The following TSPYL2 variants were observed in gnomAD, a reference collection of about 807,000 sequenced individuals.
The protein encoded by TSPYL2 is TSPY like 2.
TSPYL2 carries 9 observed loss-of-function variants against 33.0 expected under a neutral mutation model. The ratio of observed to expected loss-of-function variants is 0.27; its 90% confidence interval spans 0.16 to 0.48. The LOEUF (loss-of-function observed/expected upper bound fraction) is 0.48. Ranked by LOEUF, TSPYL2 falls within the 20% of genes least tolerant of loss-of-function variation. TSPYL2 has a pLI of 0.99. For missense variants in TSPYL2, 636 were observed against 586.2 expected, an observed-to-expected ratio of 1.08 and a Z score of -0.88; for synonymous variants, 330 against 233.6, an observed-to-expected ratio of 1.41 and a Z score of -3.77.
intron 6 of TSPYL2, chrX:53,086,587 G>C (rs2146700508): frequency 2.6e-6 from 1 of 388,417 alleles, no homozygotes; most frequent in African/African-American, 2.6e-5. Flanking sequence ...GTGGAAAACT[G>C]AAAAGGACAC....
chrX:53,084,724 C>G (rs782448500), intron 2 of TSPYL2, 31 bp from the exon 3 acceptor site: 2 of 1,174,216 alleles, frequency 1.7e-6, no homozygotes, highest in African/African-American at 3.6e-5. Flanking sequence ...GGGGGGGGGA[C>G]AGATTCCACC....
Position 53,085,299 on chromosome X carries a change from A to G in TSPYL2, c.1216A>G (p.Lys406Glu). 8.3e-7 allele frequency: 1 copy of G among 1,208,175 alleles called. No individual in the cohort carries two copies. Among genetic ancestry groups the G allele is most frequent in the Non-Finnish European group, 1.1e-6 (1 of 893,887 alleles). ...LRERGSRIKR[K>E]KQEMKKRKTR... ...AGAAAGGGGCTCCAGGATAAAGAGA[A>G]AGAAGCAAGAAATGAAGAAACGGTA... Residue 406 changes from lysine to glutamate, a missense_variant, in exon 5 of 7, where the codon AAG (lysine) becomes GAG (glutamate). This residue lies in a region of TSPYL2 where 401 missense variants were observed against 363.0 expected (regional missense o/e 1.10). Transcript: ENST00000375442.
chrX:53,084,579 A>G lies in TSPYL2; in HGVS notation c.842A>G (p.Asn281Ser). ...LNHPRISILI[N>S]RRDEDIFRYL... is the part of the protein sequence containing the mutation. ...CACCCCAGAATTTCAATTTTGATCAACCGACGTGATGAAGACATTTTCCGC... is the reference window on the plus strand; with the variant it reads ...CACCCCAGAATTTCAATTTTGATCAGCCGACGTGATGAAGACATTTTCCGC... The change falls in exon 2 of 7, where the codon AAC becomes AGC. Residue 281 changes from asparagine (N) to serine (S), a missense_variant. Asn to Ser is a conservative substitution (Grantham distance 46). Transcript: ENST00000375442. 2.5e-6 allele frequency: 3 copies of G among 1,183,178 alleles called. No individual in the cohort carries two copies. Among genetic ancestry groups the G allele is most frequent in the East Asian group, 3.0e-5 (1 of 33,549 alleles).
chrX:53,086,123 C>T lies in TSPYL2; in HGVS notation c.1731C>T (p.Asn577=), dbSNP rs1569229091. The T allele has an allele frequency of 6.8e-6, 8 of 1,184,570 alleles. No individual in the cohort carries two copies. Among genetic ancestry groups the T allele is most frequent in the South Asian group, 3.7e-5 (2 of 53,823 alleles). ...GTGATGATGAAGATAATGATGGCAA[C>T]GAAGGTGACAATGAGGGCAGTGATG... ...EASDDEDNDG[N]EGDNEGSDDD... The change falls in exon 6 of 7, where the codon AAC becomes AAT. Residue 577 remains asparagine (N), a synonymous_variant. Coordinates refer to ENST00000375442, the MANE Select transcript of TSPYL2 (RefSeq NM_022117.4).
chrX:53,087,922 A>AG lies in TSPYL2; in HGVS notation c.2070dup (p.Lys691GlufsTer48). On this transcript the variant is annotated frameshift_variant, in exon 7 of 7. Coordinates refer to ENST00000375442, the MANE Select transcript of TSPYL2 (RefSeq NM_022117.4). LOFTEE classifies it high-confidence loss of function. ...AAACGGTTGGGCCAATCCGGGGAAG[A>AG]GGGGGAAAACCGGATAAGGGTTTTC... 8.3e-7 allele frequency: 1 copy of AG among 1,211,513 alleles called. No individual in the cohort carries two copies. The highest frequency in any genetic ancestry group is 1.1e-6 in the Non-Finnish European group (1 of 895,361).
chrX:53,086,516 G>A (rs1327354355), intron 6 of TSPYL2: 1 of 445,181 alleles, frequency 2.2e-6, no homozygotes, highest in African/African-American at 2.5e-5. Flanking sequence ...TTAGTTCTAG[G>A]TGATGGATAG....
At chrX:53,084,479 C>G (rs1439419498) in intron 1 of TSPYL2, 66 bp from the exon 2 acceptor site, 1 of 978,902 alleles carries the variant, frequency 1.0e-6, no homozygotes, top group Non-Finnish European at 1.4e-6. Flanking sequence ...CTGTGCCCTT[C>G]CTGGCCTTCC....
intron 5 of TSPYL2, 144 bp from the exon 6 acceptor site, chrX:53,085,487 G>T: frequency 2.7e-6 from 2 of 738,776 alleles, no homozygotes; most frequent in South Asian, 2.7e-5. Context: ...ACACAGTCAG[G>T]GGCAGAAGTG....
rs782082499 is a variant in TSPYL2 at position 53,085,280 on chromosome X, G to C, written c.1197G>C (p.Arg399Ser). ...VNPLRYYLRE[R>S]GSRIKRKKQE... is the part of the protein sequence containing the mutation. ...CTCTACGCTACTACCTGAGAGAAAG[G>C]GGCTCCAGGATAAAGAGAAAGAAGC... The change falls in exon 5 of 7, where the codon AGG becomes AGC. Residue 399 changes from arginine (R) to serine (S), a missense_variant. Physicochemically the swap from Arg to Ser is moderately radical, Grantham distance 110. This residue lies in a region of TSPYL2 where 401 missense variants were observed against 363.0 expected (regional missense o/e 1.10). Coordinates refer to ENST00000375442, the MANE Select transcript of TSPYL2 (RefSeq NM_022117.4). The C allele has an allele frequency of 4.1e-6, 5 of 1,209,121 alleles. No homozygotes were observed. The South Asian group carries it at 8.9e-5, about 21-fold the overall frequency.
At position 53,088,507 on chromosome X, in the gene TSPYL2, C is replaced by T. The variant is rs1237447878; in HGVS notation, c.*568C>T. On this transcript the variant is annotated 3_prime_UTR_variant, in exon 7 of 7. Coordinates refer to ENST00000375442, the MANE Select transcript of TSPYL2 (RefSeq NM_022117.4). ...AGAAGGCTCGCCTCTCCCCGTGGAC[C>T]CTGTTAATCCCAATAAAATTCTGAG... The T allele has an allele frequency of 8.7e-6, 1 of 114,394 alleles. No homozygotes were observed. The highest frequency in any genetic ancestry group is 9.1e-5 in the Admixed American group (1 of 11,032). 9.4% of individuals were successfully genotyped at this position (114,394 alleles called of 1,213,427 possible). A position where few individuals can be genotyped will look rare whatever the true frequency, so the allele number is the denominator to read the frequency against.
At chrX:53,084,654 C>T (rs782720334) in intron 2 of TSPYL2, 32 bp downstream of exon 2, 11 of 1,189,258 alleles carry the variant, frequency 9.2e-6, no homozygotes, top group Non-Finnish European at 1.0e-5. Context: ...TTAGTAGGAT[C>T]GGGCACGAAT....
At chrX:53,084,101 A>G (rs1400120511) in intron 1 of TSPYL2, among the ~76,000 whole-genome samples, 2 of 111,886 alleles carry the variant, frequency 1.8e-5, no homozygotes, top group Non-Finnish European at 3.8e-5. Flanking sequence ...ACACAGTATT[A>G]TGTGACCACA....
Position 53,082,849 on chromosome X carries a change from A to C in TSPYL2, c.351A>C (p.Ala117=). The change falls in exon 1 of 7, where the codon GCA becomes GCC. Residue 117 remains alanine, a synonymous_variant. Coordinates refer to ENST00000375442, the MANE Select transcript of TSPYL2 (RefSeq NM_022117.4). ...CCCCGCCCACGGAGAGCCTGGAAGCACTCCCCACTCCTGAGGCCTCGGGGG... is the reference window on the plus strand; with the variant it reads ...CCCCGCCCACGGAGAGCCTGGAAGCCCTCCCCACTCCTGAGGCCTCGGGGG... ...EAPPPTESLE[A]LPTPEASGGS... is the part of the protein sequence containing the mutation. The C allele has an allele frequency of 8.3e-7, 1 of 1,204,886 alleles. No homozygotes were observed. The highest frequency in any genetic ancestry group is 1.8e-5 in the South Asian group (1 of 56,285).
At position 53,082,559 on chromosome X, in the gene TSPYL2, C is replaced by G. The variant is rs1556807147; in HGVS notation, c.61C>G (p.Pro21Ala). The G allele has an allele frequency of 4.1e-5, 47 of 1,153,525 alleles. No individual in the cohort carries two copies. Among genetic ancestry groups the G allele is most frequent in the Non-Finnish European group, 5.4e-5 (47 of 871,172 alleles). Residue 21 changes from proline (P) to alanine (A), a missense_variant, in exon 1 of 7, where the codon CCA becomes GCA. Physicochemically the swap from Pro to Ala is conservative, Grantham distance 27. Around this residue, in one of 3 missense-constraint regions of TSPYL2, gnomAD observed 231 missense variants for 201.6 expected, o/e 1.15. Transcript: ENST00000375442. ...KTRRLSSSES[P>A]QRDPPPPPPP... ...CCGCCGCCTGAGCAGCTCCGAGTCT[C>G]CACAGCGCGACCCGCCCCCGCCGCC...
At chrX:53,085,605 A>G (rs1556808289) in intron 5 of TSPYL2, 26 bp from the exon 6 acceptor site, 1 of 1,205,147 alleles carries the variant, frequency 8.3e-7, no homozygotes. Flanking sequence ...CACCAACCCT[A>G]TACTCAGCCA....
chrX:53,084,930 C>T (rs782401797), intron 3 of TSPYL2, 24 bp from the exon 4 acceptor site: 14 of 1,206,144 alleles, frequency 1.2e-5, no homozygotes, highest in East Asian at 8.9e-5. Flanking sequence ...TTTGTCCCAT[C>T]TCCATAGCCT....
intron 1 of TSPYL2, 25 bp downstream of exon 1, chrX:53,083,330 A>G (rs1191561499): frequency 1.8e-6 from 2 of 1,133,856 alleles, no homozygotes; most frequent in African/African-American, 3.7e-5. Flanking sequence ...GATACTCCGT[A>G]GGTCAGAAGC....
In TSPYL2 at chrX:53,088,056, C is replaced by G; in HGVS notation, c.*117C>G. The G allele has an allele frequency of 1.5e-6, 1 of 654,869 alleles. No homozygotes were observed. The highest frequency in any genetic ancestry group is 2.3e-6 in the Non-Finnish European group (1 of 429,186). The allele number at this position is 654,869 out of a possible 1,213,427, so 54.0% of individuals were successfully genotyped here. A position where few individuals can be genotyped will look rare whatever the true frequency, so the allele number is the denominator to read the frequency against. ...TGCACTTCTGGGGGGTGACCGACTT[C>G]GTACACGGGTTTAAAGTTTATTTTT... On this transcript the variant is annotated 3_prime_UTR_variant, in exon 7 of 7. Transcript: ENST00000375442.
rs782804078 is a variant in TSPYL2, at chrX:53,085,073, C to T, written c.1117C>T (p.Leu373Phe). Residue 373 changes from leucine to phenylalanine, a missense_variant, in exon 4 of 7, where the codon CTC becomes TTC. Physicochemically the swap from Leu to Phe is conservative, Grantham distance 22. Around this residue, in one of 3 missense-constraint regions of TSPYL2, gnomAD observed 401 missense variants for 363.0 expected, o/e 1.10. Transcript: ENST00000375442. ...SFFSWFSNHS[L>F]PEADRIAEII... ...TTTCAGCTGGTTCTCAAACCATAGC[C>T]TCCCAGAGGCTGACAGGATTGCTGA... 3 of 1,208,080 alleles carry T rather than the reference C, an allele frequency of 2.5e-6. No homozygotes were observed. The highest frequency in any genetic ancestry group is 3.5e-5 in the African/African-American group (2 of 57,264).
Sources: gnomAD v4.1 joint callset for allele counts (sites outside exome capture counted in the v4.1 genomes callset) on GRCh38, gnomAD v4.1.1 for gene constraint, gnomAD v4.1.1 regional missense constraint, MANE v1.5 for transcripts, NCBI Gene and HGNC (gene_info 2026-07-23, HGNC 2026-07-21) for gene names.